Variants in SCOC observed in about 807,000 individuals in gnomAD.
The protein encoded by SCOC is short coiled coil protein.
A neutral mutation model predicts 9.9 loss-of-function variants in SCOC; 7 were observed. The observed-to-expected ratio is 0.71, with a 90% CI of 0.40 to 1.33. The LOEUF (loss-of-function observed/expected upper bound fraction) is 1.33. Among genes scored for constraint, SCOC ranks in the 40% most tolerant of loss-of-function variants. The probability of loss-of-function intolerance (pLI) is 0.01; values close to 1 mark genes in which losing one functional copy is unlikely to be tolerated. For missense variants in SCOC, 66 were observed against 89.7 expected, an observed-to-expected ratio of 0.74 and a Z score of 1.07; for synonymous variants, 19 against 28.2, an observed-to-expected ratio of 0.67 and a Z score of 1.03.
intron 1 of SCOC, among the ~76,000 whole-genome samples, chr4:140,330,949 A>G (rs893526588): frequency 1.8e-4 from 27 of 152,202 alleles, no homozygotes; most frequent in African/African-American, 6.0e-4. Flanking sequence ...GCTGGTATAT[A>G]TGCAAATTAG....
intron 1 of SCOC, among the ~76,000 whole-genome samples, chr4:140,322,837 A>T (rs1053461620): frequency 6.6e-6 from 1 of 152,116 alleles, no homozygotes; most frequent in Non-Finnish European, 1.5e-5. Flanking sequence ...ATTAGTAGGG[A>T]TAGAAGGAAT....
At chr4:140,285,238 G>T (rs920814323) in intron 1 of SCOC, 5 of 456,590 alleles carry the variant, frequency 1.1e-5, no homozygotes, top group Non-Finnish European at 2.2e-5. Context: ...CCCTGCAATC[G>T]ACATATCCTT....
chr4:140,303,231 G>A (rs2126455509), intron 1 of SCOC, among the ~76,000 whole-genome samples: 1 of 152,228 alleles, frequency 6.6e-6, no homozygotes, highest in African/African-American at 2.4e-5. Context: ...CAACTGAAGG[G>A]TTTACAGAAA....
At position 140,382,916 on chromosome 4, in the gene SCOC, A is replaced by G. The variant is rs144400566; in HGVS notation, c.*1812A>G. ...GGTTCCAAGGTCAGCATTGCAGGCT[A>G]GCAGCCCTTGTTCAAACAGTTATTC... is the stretch of plus-strand genomic sequence containing the variant. On this transcript the variant is annotated 3_prime_UTR_variant, in exon 4 of 4. Transcript: ENST00000608372. The G allele has an allele frequency of 5.9e-5, 9 of 152,370 alleles. No individual in the cohort carries two copies. In the East Asian group the frequency reaches 1.5e-3, roughly 26 times the overall value. 9.4% of individuals were successfully genotyped at this position (152,370 alleles called of 1,614,324 possible).
intron 1 of SCOC, among the ~76,000 whole-genome samples, chr4:140,280,760 G>A (rs546969566): frequency 1.3e-5 from 2 of 152,282 alleles, no homozygotes; most frequent in South Asian, 4.1e-4. Flanking sequence ...GATTTTAACT[G>A]AGATCCACAT....
At chr4:140,309,253 C>T (rs1732081235) in intron 1 of SCOC, among the ~76,000 whole-genome samples, 1 of 152,244 alleles carries the variant, frequency 6.6e-6, no homozygotes, top group Non-Finnish European at 1.5e-5. Flanking sequence ...AGAGCAGTGA[C>T]TTTCCATGAC....
intron 1 of SCOC, among the ~76,000 whole-genome samples, chr4:140,277,722 G>T (rs545932721): frequency 1.3e-5 from 2 of 152,246 alleles, no homozygotes; most frequent in East Asian, 3.9e-4. Flanking sequence ...AACAATAGGG[G>T]CATGCCCAGA....
intron 1 of SCOC, among the ~76,000 whole-genome samples, chr4:140,305,796 A>T (rs1363554214): frequency 1.3e-5 from 2 of 152,160 alleles, no homozygotes; most frequent in Non-Finnish European, 2.9e-5. Flanking sequence ...AGATTCCATG[A>T]TGTAAAGCCA....
At chr4:140,341,950 C>T (rs190030270), upstream of SCOC, among the ~76,000 whole-genome samples, 3 of 152,070 alleles carry the variant, frequency 2.0e-5, no homozygotes, top group Non-Finnish European at 4.4e-5. Flanking sequence ...TCCACTTTGT[C>T]TTCACTTCAC....
At chr4:140,334,303 T>C (rs1041795376) in intron 1 of SCOC, among the ~76,000 whole-genome samples, 1 of 152,224 alleles carries the variant, frequency 6.6e-6, no homozygotes, top group Non-Finnish European at 1.5e-5. Flanking sequence ...GACTGATGTC[T>C]TCTAAGAGAA....
intron 1 of SCOC, among the ~76,000 whole-genome samples, chr4:140,309,430 G>A (rs992622715): frequency 1.1e-4 from 16 of 152,156 alleles, no homozygotes; most frequent in Non-Finnish European, 2.9e-5. Context: ...CTGCACTCAG[G>A]TCTCTGGCTT....
chr4:140,274,593 C>T (rs1420861610), intron 1 of SCOC, among the ~76,000 whole-genome samples: 4 of 152,256 alleles, frequency 2.6e-5, no homozygotes, highest in Admixed American at 6.5e-5. Flanking sequence ...CAGCCAGCAG[C>T]TGTGTTCTGC....
rs889491244 is a variant in SCOC, at chr4:140,328,082, A to G, written c.-18-15539A>G. On this transcript the variant is annotated intron_variant, in intron 1 of 4. Transcript: ENST00000394205. ...CTCCTCGTGCTTCTGCTTCCTCACC[A>G]GTAATGAGTTTTAAATGGGAAGATG... 4.6e-5 allele frequency among the ~76,000 whole-genome samples: 7 copies of G among 152,336 alleles called. 1 individual carries two copies. In the South Asian group the frequency reaches 1.0e-3, roughly 23 times the overall value.
chr4:140,367,466 GC>G (rs1162067485), intron 2 of SCOC, among the ~76,000 whole-genome samples: 4 of 151,804 alleles, frequency 2.6e-5, no homozygotes, highest in African/African-American at 4.8e-5. Context: ...TGCAGCCTCT[GC>G]CTCCCAGGTT....
intron 2 of SCOC, among the ~76,000 whole-genome samples, chr4:140,349,134 A>C (rs947052508): frequency 6.6e-6 from 1 of 152,222 alleles, no homozygotes; most frequent in Non-Finnish European, 1.5e-5. Flanking sequence ...CTCTGCAGTA[A>C]GAAAACAACA....
At chr4:140,301,245 T>C (rs897664629) in intron 1 of SCOC, among the ~76,000 whole-genome samples, 12 of 152,218 alleles carry the variant, frequency 7.9e-5, no homozygotes, top group African/African-American at 2.9e-4. Flanking sequence ...GTTTTACTTC[T>C]AGTAAGTTCT....
At chr4:140,338,549 C>G (rs1157564147), upstream of SCOC, among the ~76,000 whole-genome samples, 2 of 152,082 alleles carry the variant, frequency 1.3e-5, no homozygotes, top group Non-Finnish European at 2.9e-5. Context: ...TTTAGAAAAC[C>G]CCATCGTCTC....
Position 140,306,261 on chromosome 4 carries a change from C to T in SCOC, c.-18-37360C>T, listed in dbSNP as rs1190411284. Among the ~76,000 whole-genome samples the T allele has an allele frequency of 2.6e-5, 4 of 152,028 alleles. No homozygotes were observed. The East Asian group carries it at 5.8e-4, about 22-fold the overall frequency. On this transcript the variant is annotated intron_variant, in intron 1 of 4. Coordinates refer to the SCOC transcript ENST00000394205. ...CATCAGATCTCGTGAGACGTGTTCA[C>T]TATCATGAGAACAGCACAGGAAAGA... is the stretch of plus-strand genomic sequence containing the variant.
At chr4:140,356,583 T>G (rs1345462426) in intron 2 of SCOC, among the ~76,000 whole-genome samples, 1 of 152,262 alleles carries the variant, frequency 6.6e-6, no homozygotes, top group Non-Finnish European at 1.5e-5. Flanking sequence ...GCAGTCATTG[T>G]GTAAAATGGT....
Sources: gnomAD v4.1 joint callset for allele counts (sites outside exome capture counted in the v4.1 genomes callset) on GRCh38, gnomAD v4.1.1 for gene constraint, MANE v1.5 for transcripts, NCBI Gene and HGNC (gene_info 2026-07-23, HGNC 2026-07-21) for gene names.